The following HOOK1 variants were observed in gnomAD, a reference collection of about 807,000 sequenced individuals.
The protein encoded by HOOK1 is protein Hook homolog 1.
HOOK1 carries 60 observed loss-of-function variants against 112.8 expected under a neutral mutation model. The observed-to-expected ratio is 0.53, with a 90% CI of 0.43 to 0.66. The LOEUF (loss-of-function observed/expected upper bound fraction) is 0.66, where lower values mean the gene tolerates loss of function less well. Ranked by LOEUF, HOOK1 falls within the 30% of genes least tolerant of loss-of-function variation. The pLI is 0.00. For synonymous variants in HOOK1, 294 were observed against 283.8 expected, an observed-to-expected ratio of 1.04 and a Z score of -0.36; for missense variants, 770 against 856.0, an observed-to-expected ratio of 0.90 and a Z score of 1.25.
At chr1:59,840,274 G>A (rs533097865) in intron 7 of HOOK1, 34 bp from the exon 8 acceptor site, 38 of 1,440,820 alleles carry the variant, frequency 2.6e-5, no homozygotes, top group Middle Eastern at 1.8e-4. Context: ...GTCAAAACAC[G>A]ATTTACTAAG....
intron 7 of HOOK1, 36 bp downstream of exon 7, chr1:59,836,971 C>G: frequency 1.5e-6 from 2 of 1,344,740 alleles, no homozygotes; most frequent in Non-Finnish European, 2.1e-6. Flanking sequence ...ATGTTGAAAG[C>G]AATGTTAGGG....
intron 7 of HOOK1, among the ~76,000 whole-genome samples, chr1:59,839,627 A>G (rs950412992): frequency 6.6e-6 from 1 of 152,166 alleles, no homozygotes; most frequent in Non-Finnish European, 1.5e-5. Flanking sequence ...CAATCATGTC[A>G]TCTGCAAACA....
At chr1:59,824,077 G>A (rs950988697) in intron 2 of HOOK1, among the ~76,000 whole-genome samples, 5 of 152,144 alleles carry the variant, frequency 3.3e-5, no homozygotes, top group African/African-American at 1.2e-4. Flanking sequence ...GAACTTTTCA[G>A]AAGTCTGGAT....
At chr1:59,852,702 G>T (rs1026833073) in intron 12 of HOOK1, among the ~76,000 whole-genome samples, 5 of 148,316 alleles carry the variant, frequency 3.4e-5, no homozygotes, top group African/African-American at 1.2e-4. Context: ...TTGTATATAA[G>T]TTTTTTTTTC....
intron 1 of HOOK1, among the ~76,000 whole-genome samples, chr1:59,817,799 C>T (rs2098382727): frequency 6.6e-6 from 1 of 152,142 alleles, no homozygotes; most frequent in Admixed American, 6.5e-5. Flanking sequence ...ACCCTTATCC[C>T]ACTGTAACCT....
At chr1:59,849,237 A>G (rs977180446) in intron 12 of HOOK1, 54 bp downstream of exon 12, 5 of 1,194,388 alleles carry the variant, frequency 4.2e-6, no homozygotes, top group South Asian at 2.7e-5. Context: ...TAGTTTTGTA[A>G]TGCCCTTGCT....
chr1:59,832,547 A>G (rs2098394752), intron 4 of HOOK1, among the ~76,000 whole-genome samples: 1 of 152,120 alleles, frequency 6.6e-6, no homozygotes, highest in Admixed American at 6.5e-5. Context: ...ATATTTTGAC[A>G]TTTCTTCCCA....
intron 8 of HOOK1, among the ~76,000 whole-genome samples, chr1:59,842,242 T>C (rs978612826): frequency 3.9e-5 from 6 of 152,124 alleles, no homozygotes; most frequent in Admixed American, 3.9e-4. Flanking sequence ...CCTTACCCTA[T>C]AGTGTACTTC....
At chr1:59,817,817 T>A (rs1421893032) in intron 1 of HOOK1, among the ~76,000 whole-genome samples, 2 of 152,196 alleles carry the variant, frequency 1.3e-5, no homozygotes, top group East Asian at 3.8e-4. Context: ...CCTGTTAACC[T>A]CTTTCTGTCT....
chr1:59,846,868 G>A (rs2098404353), intron 9 of HOOK1, among the ~76,000 whole-genome samples, 177 bp from the exon 10 acceptor site: 1 of 151,346 alleles, frequency 6.6e-6, no homozygotes, highest in South Asian at 2.1e-4. Context: ...TATTATTAGA[G>A]AACATGGTCC....
chr1:59,847,807 G>C (rs1306056398), intron 10 of HOOK1, among the ~76,000 whole-genome samples: 4 of 151,584 alleles, frequency 2.6e-5, no homozygotes, highest in African/African-American at 9.7e-5. Flanking sequence ...AAGTGATTTG[G>C]TTTATTTGTT....
intron 19 of HOOK1, among the ~76,000 whole-genome samples, chr1:59,867,663 T>C (rs1293281135): frequency 6.6e-6 from 1 of 152,178 alleles, no homozygotes; most frequent in Non-Finnish European, 1.5e-5. Flanking sequence ...TACTACATTC[T>C]GGTCAAACAT....
rs34045351 is a variant in HOOK1, at chr1:59,815,171, C to T, written c.54C>T (p.Leu18=). The T allele has an allele frequency of 1.1e-3, 1,753 of 1,544,032 alleles. 6 individuals are homozygous for T. Among genetic ancestry groups the T allele is most frequent in the Middle Eastern group, 2.9e-3 (17 of 5,854 alleles). The change falls in exon 1 of 22, where the codon CTC becomes CTT. Residue 18 remains leucine (L), a synonymous_variant. Transcript: ENST00000371208. The part of the protein sequence containing the change: ...PQPKLPLCDS[L]MIWLQTFNTA... Reference sequence around the variant, plus strand: ...CTAAGCTGCCCCTGTGCGACAGCCTCATGATCTGGGTGAGTGCGAGGAGGC... The same window carrying T: ...CTAAGCTGCCCCTGTGCGACAGCCTTATGATCTGGGTGAGTGCGAGGAGGC...
chr1:59,866,878 A>G (rs762364854), intron 19 of HOOK1, among the ~76,000 whole-genome samples: 4 of 152,216 alleles, frequency 2.6e-5, no homozygotes, highest in Non-Finnish European at 5.9e-5. Flanking sequence ...GACTATAGTC[A>G]ACATAATTAT....
chr1:59,871,244 G>A (rs1190076673), intron 21 of HOOK1, 134 bp downstream of exon 21: 3 of 575,690 alleles, frequency 5.2e-6, no homozygotes, highest in Non-Finnish European at 9.2e-6. Flanking sequence ...GTATATGACT[G>A]AAACAAAAGT....
At chr1:59,872,774 A>G in intron 21 of HOOK1, 21 bp from the exon 22 acceptor site, 2 of 1,383,642 alleles carry the variant, frequency 1.4e-6, no homozygotes, top group South Asian at 1.8e-5. Context: ...TAAATAAAAA[A>G]TATATGTTTT....
chr1:59,830,188 A>G (rs1416546195), intron 3 of HOOK1, among the ~76,000 whole-genome samples: 1 of 152,064 alleles, frequency 6.6e-6, no homozygotes, highest in Admixed American at 6.5e-5. Flanking sequence ...TTATATAAAT[A>G]TAGATTTTGT....
At chr1:59,858,573 C>A in intron 13 of HOOK1, 58 bp downstream of exon 13, 1 of 1,122,682 alleles carries the variant, frequency 8.9e-7, no homozygotes, top group Non-Finnish European at 1.4e-6. Context: ...GGACTCCATT[C>A]AACAAAAAAT....
At chr1:59,859,859 A>G (rs11811546) in intron 14 of HOOK1, among the ~76,000 whole-genome samples, 6,518 of 152,154 alleles carry the variant, frequency 0.043, 157 homozygotes, top group African/African-American at 0.069. Flanking sequence ...TAGTTTCTAA[A>G]TTACCAAAGT....
Sources: gnomAD v4.1 joint callset for allele counts (sites outside exome capture counted in the v4.1 genomes callset) on GRCh38, gnomAD v4.1.1 for gene constraint, MANE v1.5 for transcripts, NCBI Gene and HGNC (gene_info 2026-07-23, HGNC 2026-07-21) for gene names.